Variants in HMCN1 observed in about 807,000 individuals in gnomAD.
HMCN1 encodes the protein hemicentin-1.
A neutral mutation model predicts 625.9 loss-of-function variants in HMCN1; 321 were observed. The observed-to-expected ratio is 0.51, with a 90% confidence interval of 0.47 to 0.56. The LOEUF (loss-of-function observed/expected upper bound fraction) is 0.56. Among genes scored for constraint, HMCN1 ranks in the 20% least tolerant of loss-of-function variants. The pLI, the probability that HMCN1 is intolerant of heterozygous loss-of-function variation, is 0.00. For synonymous variants in HMCN1, 2,425 were observed against 2,417.6 expected, an observed-to-expected ratio of 1.00 and a Z score of -0.09; for missense variants, 6,588 against 6,887.3, an observed-to-expected ratio of 0.96 and a Z score of 1.54.
chr1:185,902,397 CTA>C (rs1665856522), intron 4 of HMCN1, among the ~76,000 whole-genome samples: 1 of 136,382 alleles, frequency 7.3e-6, no homozygotes, highest in African/African-American at 3.3e-5. Flanking sequence ...ATCTATCTAT[CTA>C]TCTATCTCTA....
chr1:185,772,210 AT>A (rs1289305983), intron 1 of HMCN1, among the ~76,000 whole-genome samples: 1 of 152,178 alleles, frequency 6.6e-6, no homozygotes, highest in African/African-American at 2.4e-5. Context: ...CAGGCTGAAG[AT>A]TTTCAATTTA....
At chr1:186,158,753 T>C (rs935147318) in intron 97 of HMCN1, among the ~76,000 whole-genome samples, 14 of 152,322 alleles carry the variant, frequency 9.2e-5, no homozygotes, top group African/African-American at 3.4e-4. Flanking sequence ...TGTAGATATG[T>C]GGCATTATTT....
intron 36 of HMCN1, among the ~76,000 whole-genome samples, chr1:186,024,053 TC>T (rs1654897675): frequency 6.6e-6 from 1 of 152,226 alleles, no homozygotes; most frequent in Non-Finnish European, 1.5e-5. Flanking sequence ...ATCATCAGTT[TC>T]CTAAATGTTT....
At chr1:186,169,470 T>C (rs1442190745) in intron 100 of HMCN1, among the ~76,000 whole-genome samples, 1 of 152,170 alleles carries the variant, frequency 6.6e-6, no homozygotes, top group East Asian at 1.9e-4. Flanking sequence ...ACAAACAGCA[T>C]GGTACTGGTA....
At position 185,786,180 on chromosome 1, in the gene HMCN1, C is replaced by T. The variant is rs184844951; in HGVS notation, c.268+51133C>T. On this transcript the variant is annotated intron_variant, in intron 1 of 106. Transcript: ENST00000271588. ...CATGATGATGTTGTTATTTATCAAG[C>T]TCCAAGGAGGCCTCTTTTAGTTTCC... Among the ~76,000 whole-genome samples, 115 of 152,276 alleles carry T rather than the reference C, an allele frequency of 7.6e-4. 1 individual carries two copies. The highest frequency in any genetic ancestry group is 4.1e-4 in the South Asian group (2 of 4,826).
At chr1:185,986,317 T>C (rs2102015175) in intron 19 of HMCN1, among the ~76,000 whole-genome samples, 1 of 152,302 alleles carries the variant, frequency 6.6e-6, no homozygotes, top group South Asian at 2.1e-4. Flanking sequence ...GTAGTTATGA[T>C]AATCCTTGAA....
intron 1 of HMCN1, among the ~76,000 whole-genome samples, chr1:185,784,438 C>T (rs948414604): frequency 3.3e-5 from 5 of 152,180 alleles, no homozygotes; most frequent in South Asian, 2.1e-4. Context: ...CCGTCTTCTG[C>T]GTCGCTCATG....
chr1:186,115,895 C>A (rs1661111501), intron 75 of HMCN1, among the ~76,000 whole-genome samples: 1 of 150,766 alleles, frequency 6.6e-6, no homozygotes. Flanking sequence ...AATACCATAG[C>A]TCATAATATG....
chr1:185,746,698 A>T (rs1557937921), intron 1 of HMCN1, among the ~76,000 whole-genome samples: 4 of 146,060 alleles, frequency 2.7e-5, no homozygotes, highest in Admixed American at 1.4e-4. Flanking sequence ...TCTGCCTCCC[A>T]GGTTCTAGCG....
chr1:185,761,253 G>C (rs1214346954), intron 1 of HMCN1, among the ~76,000 whole-genome samples: 1 of 152,110 alleles, frequency 6.6e-6, no homozygotes, highest in Non-Finnish European at 1.5e-5. Context: ...CTCAAGTTGG[G>C]GGGTGGTAGA....
chr1:185,952,359 G>A (rs943307154), intron 11 of HMCN1, among the ~76,000 whole-genome samples: 5 of 151,114 alleles, frequency 3.3e-5, no homozygotes, highest in East Asian at 3.9e-4. Flanking sequence ...GAGCAGCCTG[G>A]GGAGGAAGGG....
intron 30 of HMCN1, among the ~76,000 whole-genome samples, chr1:186,007,680 A>G (rs1401436021): frequency 6.6e-6 from 1 of 152,182 alleles, no homozygotes; most frequent in Non-Finnish European, 1.5e-5. Flanking sequence ...TTTGAATTCC[A>G]TCGTGGCCGT....
chr1:185,870,035 TTA>T (rs1491106547), intron 4 of HMCN1, among the ~76,000 whole-genome samples: 9 of 151,122 alleles, frequency 6.0e-5, no homozygotes, highest in Middle Eastern at 3.4e-3. Context: ...TTTTTTTTTT[TTA>T]AAAAAAAACA....
rs1661747290 is a variant in HMCN1, at chr1:186,128,305, T to C, written c.12904+14T>C. 1 of 1,601,712 alleles carries C rather than the reference T, an allele frequency of 6.2e-7. No homozygotes were observed. Among genetic ancestry groups the C allele is most frequent in the African/African-American group, 1.3e-5 (1 of 74,814 alleles). On this transcript the variant is annotated intron_variant, in intron 83 of 106. Transcript: ENST00000271588. ...ATATTATTCCAGGTTGGTCATTTAA[T>C]TCTCAAGAAGTGAATAAATACACCT...
At chr1:185,786,297 A>G (rs1400277857) in intron 1 of HMCN1, among the ~76,000 whole-genome samples, 1 of 152,202 alleles carries the variant, frequency 6.6e-6, no homozygotes, top group Non-Finnish European at 1.5e-5. Flanking sequence ...TACACAGTAC[A>G]TAGTCTTCCA....
At chr1:186,086,145 CTCAG>C (rs1659461129) in intron 57 of HMCN1, 97 bp from the exon 58 acceptor site, 1 of 1,077,760 alleles carries the variant, frequency 9.3e-7, no homozygotes, top group South Asian at 1.3e-5. Context: ...GAATCGTTAA[CTCAG>C]TCCTTTAGCA....
intron 48 of HMCN1, among the ~76,000 whole-genome samples, chr1:186,063,084 A>ATG (rs1355614163): frequency 2.4e-5 from 3 of 124,756 alleles, no homozygotes; most frequent in African/African-American, 1.0e-4. Context: ...ATATATATAT[A>ATG]TATATATATA....
intron 97 of HMCN1, among the ~76,000 whole-genome samples, chr1:186,158,976 T>C (rs1279752017): frequency 1.3e-5 from 2 of 152,170 alleles, no homozygotes; most frequent in Non-Finnish European, 2.9e-5. Flanking sequence ...AGAAAGTCAT[T>C]GGTAGCTTGA....
chr1:186,108,414 C>T (rs1660721783), intron 70 of HMCN1, 47 bp from the exon 71 acceptor site: 5 of 1,613,398 alleles, frequency 3.1e-6, no homozygotes, highest in Non-Finnish European at 4.2e-6. Context: ...TTTTTGGATA[C>T]CTATGATAAT....
Sources: gnomAD v4.1 joint callset for allele counts (sites outside exome capture counted in the v4.1 genomes callset) on GRCh38, gnomAD v4.1.1 for gene constraint, MANE v1.5 for transcripts, NCBI Gene and HGNC (gene_info 2026-07-23, HGNC 2026-07-21) for gene names.